Variants in DIAPH1 observed in about 807,000 individuals in gnomAD.
DIAPH1 encodes protein diaphanous homolog 1.
A neutral mutation model predicts 140.7 loss-of-function variants in DIAPH1; 46 were observed. That is an observed-to-expected ratio of 0.33 (90% CI 0.26 to 0.42). The LOEUF (loss-of-function observed/expected upper bound fraction) is 0.42, where lower values mean the gene tolerates loss of function less well. Among genes scored for constraint, DIAPH1 ranks in the 10% least tolerant of loss-of-function variants. DIAPH1 has a pLI of 1.00. For missense variants in DIAPH1, 1,310 were observed against 1,558.7 expected (o/e 0.84, Z 2.69); for synonymous variants, 565 against 551.6 (o/e 1.02, Z -0.34).
intron 1 of DIAPH1, among the ~76,000 whole-genome samples, chr5:141,600,901 C>CTGCCTTT (rs1283921970): frequency 6.6e-6 from 1 of 152,234 alleles, no homozygotes; most frequent in East Asian, 1.9e-4. Context: ...TATACTAGAA[C>CTGCCTTT]TGCCTTTTTT....
At chr5:141,530,393 T>C (rs1489042650) in intron 19 of DIAPH1, among the ~76,000 whole-genome samples, 2 of 152,162 alleles carry the variant, frequency 1.3e-5, no homozygotes, top group Non-Finnish European at 2.9e-5. Context: ...TTAGTATTAT[T>C]ACTCCTACTA....
At chr5:141,576,189 A>C (rs1201863547) in intron 14 of DIAPH1, 41 bp downstream of exon 14, 1 of 1,447,916 alleles carries the variant, frequency 6.9e-7, no homozygotes, top group East Asian at 2.3e-5. Flanking sequence ...TTCTCAAAGA[A>C]AGATATACTC....
chr5:141,526,285 T>C lies in DIAPH1; in HGVS notation c.3438+12A>G. ...CCACAAAAGATTCAGTCAGCAAGTA[T>C]CCCTTGCTCACCAAAAACATATTCC... On this transcript the variant is annotated intron_variant, in intron 25 of 27. Coordinates refer to ENST00000389054, the MANE Select transcript of DIAPH1 (RefSeq NM_005219.5). 3 of 1,614,078 alleles carry C rather than the reference T, an allele frequency of 1.9e-6. No homozygotes were observed. Among genetic ancestry groups the C allele is most frequent in the Non-Finnish European group, 2.5e-6 (3 of 1,179,956 alleles).
intron 18 of DIAPH1, among the ~76,000 whole-genome samples, chr5:141,555,035 T>C (rs576043098): frequency 6.6e-6 from 1 of 152,278 alleles, no homozygotes; most frequent in African/African-American, 2.4e-5. Context: ...ATTACATGAA[T>C]GTAAATTTCC....
In DIAPH1 at chr5:141,565,561, G is replaced by A. The variant is rs1314892075; in HGVS notation, c.2482+5867C>T. ...GAAGACAGAATTCTGCTAGGTAAAA[G>A]TAATGATGGAAGTCTTTAGAAGTTC... On this transcript the variant is annotated intron_variant, in intron 18 of 27. Transcript: ENST00000389054. This position sits in a 1 kb window ranked among gnomAD's most constrained non-coding sequence, Gnocchi z 4.3. 6.6e-6 allele frequency among the ~76,000 whole-genome samples: 1 copy of A among 152,176 alleles called. No individual in the cohort carries two copies. The highest frequency in any genetic ancestry group is 2.4e-5 in the African/African-American group (1 of 41,436).
At chr5:141,517,906 G>A (rs1367185855) in intron 27 of DIAPH1, among the ~76,000 whole-genome samples, 2 of 152,164 alleles carry the variant, frequency 1.3e-5, no homozygotes. Context: ...CTAGGCTTAT[G>A]GCCCCAGTAT....
At chr5:141,536,741 C>T (rs1596345762) in intron 18 of DIAPH1, among the ~76,000 whole-genome samples, 2 of 152,130 alleles carry the variant, frequency 1.3e-5, no homozygotes, top group East Asian at 3.9e-4. Context: ...GAGGCAATAA[C>T]AAATGCAAAG....
chr5:141,567,234 G>A (rs562124591), intron 18 of DIAPH1, among the ~76,000 whole-genome samples: 5 of 152,172 alleles, frequency 3.3e-5, no homozygotes, highest in Non-Finnish European at 7.3e-5. Flanking sequence ...TGGAAAGGTT[G>A]GGGTGTAGAG....
intron 19 of DIAPH1, among the ~76,000 whole-genome samples, chr5:141,532,695 T>C (rs2099888415): frequency 6.6e-6 from 1 of 152,236 alleles, no homozygotes; most frequent in Non-Finnish European, 1.5e-5. Context: ...GGGACTATTG[T>C]CTTATTCAGC....
intron 1 of DIAPH1, among the ~76,000 whole-genome samples, chr5:141,615,918 T>C (rs925023529): frequency 2.6e-5 from 4 of 152,144 alleles, no homozygotes; most frequent in African/African-American, 9.7e-5. Flanking sequence ...TACGTATATT[T>C]TGGAAATCAG....
chr5:141,576,678 G>T, intron 13 of DIAPH1, 78 bp downstream of exon 13: 2 of 1,042,246 alleles, frequency 1.9e-6, no homozygotes, highest in South Asian at 1.3e-5. Context: ...TATCTTCTCT[G>T]ACATTTTCAC....
intron 18 of DIAPH1, among the ~76,000 whole-genome samples, chr5:141,569,027 T>C (rs1339070135): frequency 6.6e-6 from 1 of 152,004 alleles, no homozygotes; most frequent in Non-Finnish European, 1.5e-5. Flanking sequence ...CTTACTTTTT[T>C]TAATCTATTA....
chr5:141,583,649 G>T (rs564370854), intron 4 of DIAPH1, 34 bp from the exon 5 acceptor site: 3 of 1,613,762 alleles, frequency 1.9e-6, no homozygotes, highest in Non-Finnish European at 2.5e-6. Flanking sequence ...ATTAGTAATG[G>T]TGGACCCAGT....
Position 141,515,420 on chromosome 5 carries a change from G to A in DIAPH1, c.*1431C>T, listed in dbSNP as rs1426646501. 6.6e-6 allele frequency: 1 copy of A among 152,200 alleles called. No homozygotes were observed. The highest frequency in any genetic ancestry group is 1.5e-5 in the Non-Finnish European group (1 of 68,062). 9.4% of individuals were successfully genotyped at this position (152,200 alleles called of 1,614,324 possible). A position where few individuals can be genotyped will look rare whatever the true frequency, so the allele number is the denominator to read the frequency against. On this transcript the variant is annotated 3_prime_UTR_variant, in exon 28 of 28. Coordinates refer to ENST00000389054, the MANE Select transcript of DIAPH1 (RefSeq NM_005219.5). ...TCTAATAACTCTAATTCTGGGCCAA[G>A]CCCAAGAGTGCCATTCTTTCTTCCT...
At chr5:141,548,714 G>T (rs2099891204) in intron 18 of DIAPH1, among the ~76,000 whole-genome samples, 1 of 152,140 alleles carries the variant, frequency 6.6e-6, no homozygotes, top group African/African-American at 2.4e-5. Context: ...GCTCAGGTGG[G>T]AGAATCACCT....
At position 141,579,158 on chromosome 5, in the gene DIAPH1, T is replaced by C. The variant is rs547044466; in HGVS notation, c.863A>G (p.Glu288Gly). 7 of 1,614,190 alleles carry C rather than the reference T, an allele frequency of 4.3e-6. No individual in the cohort carries two copies. The South Asian group carries it at 5.5e-5, about 13-fold the overall frequency. The change falls in exon 9 of 28, where the codon GAG (glutamate) becomes GGG (glycine). Residue 288 changes from glutamate (E) to glycine (G), a missense_variant. Glu to Gly is a moderately conservative substitution (Grantham distance 98). This residue lies in a region of DIAPH1 where 377 missense variants were observed against 497.1 expected (regional missense o/e 0.76). Transcript: ENST00000389054. ...CTGGAAACGTTCCACTTCATCCATCTCAGCTCTTTCTGTCATTGCCTCCAA... is the reference window on the plus strand; with the variant it reads ...CTGGAAACGTTCCACTTCATCCATCCCAGCTCTTTCTGTCATTGCCTCCAA... ...RVLEAMTERA[E>G]MDEVERFQPL...
intron 1 of DIAPH1, 102 bp downstream of exon 1, chr5:141,618,696 G>C: frequency 1.3e-6 from 1 of 745,252 alleles, no homozygotes; most frequent in Non-Finnish European, 2.2e-6. Context: ...GGAAGGCGCG[G>C]GGGCGGCTCC....
chr5:141,584,297 T>C lies in DIAPH1; in HGVS notation c.301-72A>G. The C allele has an allele frequency of 3.7e-6, 3 of 800,636 alleles. No individual in the cohort carries two copies. In the South Asian group the frequency reaches 4.2e-5, roughly 11 times the overall value. 49.6% of individuals were successfully genotyped at this position (800,636 alleles called of 1,614,324 possible). ...TTTACAAATTTTTAGTGTTTAATATTAGTATGCTTAGTGAAGAGTTGAGCA... is the reference window on the plus strand; with the variant it reads ...TTTACAAATTTTTAGTGTTTAATATCAGTATGCTTAGTGAAGAGTTGAGCA... On this transcript the variant is annotated intron_variant, in intron 3 of 27. Transcript: ENST00000389054.
At chr5:141,574,591 G>GT (rs1412786299) in intron 15 of DIAPH1, among the ~76,000 whole-genome samples, 4 of 152,196 alleles carry the variant, frequency 2.6e-5, no homozygotes, top group African/African-American at 9.6e-5. Context: ...GATCATTTAA[G>GT]TATTTACTAC....
Sources: allele counts gnomAD v4.1 joint callset (sites outside exome capture counted in the v4.1 genomes callset), GRCh38; gene constraint gnomAD v4.1.1; regional missense constraint gnomAD v4.1.1; non-coding constraint Gnocchi (gnomAD v3.1); transcripts MANE v1.5; gene names NCBI Gene and HGNC (gene_info 2026-07-23, HGNC 2026-07-21).